The following PSMF1 variants were observed in gnomAD, a reference collection of about 807,000 sequenced individuals.
PSMF1 encodes the protein proteasome inhibitor PI31 subunit.
PSMF1 carries 30 observed loss-of-function variants against 29.3 expected under a neutral mutation model. The observed-to-expected ratio is 1.02, with a 90% CI of 0.77 to 1.39. PSMF1 has a LOEUF of 1.39. Ranked by LOEUF, PSMF1 falls within the 40% of genes most tolerant of loss-of-function variation. The pLI is 0.00. For synonymous variants in PSMF1, 134 were observed against 139.7 expected (o/e 0.96, Z 0.29); for missense variants, 344 against 357.5 (o/e 0.96, Z 0.31).
In PSMF1 at chr20:1,152,278, G is replaced by C. The variant is rs558800910; in HGVS notation, c.552-10852G>C. ...ATGCAAAAGAAAACTGAGGCAGCAA[G>C]AGCTTGACTTGCCCAAAGCAACACA... is the stretch of plus-strand genomic sequence containing the variant. On this transcript the variant is annotated intron_variant, in intron 4 of 6. Transcript: ENST00000335877. Among the ~76,000 whole-genome samples, 17 of 152,362 alleles carry C rather than the reference G, an allele frequency of 1.1e-4. No individual in the cohort carries two copies. The East Asian group carries it at 2.5e-3, about 22-fold the overall frequency.
In PSMF1 at chr20:1,165,921, C is replaced by T. The variant is rs1454005965; in HGVS notation, c.*841C>T. 12 of 1,323,576 alleles carry T rather than the reference C, an allele frequency of 9.1e-6. No homozygotes were observed. The highest frequency in any genetic ancestry group is 1.1e-5 in the Non-Finnish European group (11 of 1,030,536). The allele number at this position is 1,323,576 out of a possible 1,614,324, so 82.0% of individuals were successfully genotyped here. On this transcript the variant is annotated 3_prime_UTR_variant, in exon 7 of 7. Coordinates refer to ENST00000335877, the MANE Select transcript of PSMF1 (RefSeq NM_006814.5). The stretch of plus-strand genomic sequence containing the variant: ...AAGCAAGTTCCTTCTCCTCTTAGGG[C>T]CTTGTGCCAAGCCTATGAAATTGGA...
Position 1,164,190 on chromosome 20 carries a change from C to A in PSMF1, c.606-128C>A. The A allele has an allele frequency of 1.0e-6, 1 of 967,222 alleles. No individual in the cohort carries two copies. Among genetic ancestry groups the A allele is most frequent in the South Asian group, 1.5e-5 (1 of 68,616 alleles). The allele number at this position is 967,222 out of a possible 1,614,324, so 59.9% of individuals were successfully genotyped here. A position where few individuals can be genotyped will look rare whatever the true frequency, so the allele number is the denominator to read the frequency against. On this transcript the variant is annotated intron_variant, in intron 5 of 6. Transcript: ENST00000335877. The surrounding 1 kb of genome is among the most constrained non-coding windows in gnomAD (Gnocchi z 4.1). ...TTTCCGCTGGCTCTCAGGCAGCCATCCACATGTCTGCTTGGGCCATCCAGA... is the reference window on the plus strand; with the variant it reads ...TTTCCGCTGGCTCTCAGGCAGCCATACACATGTCTGCTTGGGCCATCCAGA...
intron 3 of PSMF1, among the ~76,000 whole-genome samples, chr20:1,134,490 G>T (rs1243578338): frequency 6.6e-6 from 1 of 152,102 alleles, no homozygotes. Context: ...CCAGGATGTG[G>T]TTCATTTTAA....
intron 3 of PSMF1, among the ~76,000 whole-genome samples, chr20:1,128,636 T>C (rs2086190732): frequency 6.6e-6 from 1 of 152,238 alleles, no homozygotes; most frequent in African/African-American, 2.4e-5. Flanking sequence ...TGAAATTATC[T>C]GTTTTATATA....
At chr20:1,142,764 ATAAT>A (rs1340823229) in intron 4 of PSMF1, among the ~76,000 whole-genome samples, 1 of 152,234 alleles carries the variant, frequency 6.6e-6, no homozygotes, top group Admixed American at 6.5e-5. Context: ...AGCATGTTTT[ATAAT>A]CCTTTGGGTA....
rs535407929 is a variant in PSMF1, at chr20:1,154,260, C to T, written c.552-8870C>T. Among the ~76,000 whole-genome samples the T allele has an allele frequency of 3.9e-5, 6 of 152,298 alleles. No individual in the cohort carries two copies. In the East Asian group the frequency reaches 1.2e-3, roughly 29 times the overall value. ...ACATTTTTCTGTTCTGAATGCTTTA[C>T]AATTTTTAGCATAATTTATGTATAT... On this transcript the variant is annotated intron_variant, in intron 4 of 6. Transcript: ENST00000335877.
intron 4 of PSMF1, among the ~76,000 whole-genome samples, chr20:1,147,123 C>G (rs2086460103): frequency 6.6e-6 from 1 of 150,532 alleles, no homozygotes. Flanking sequence ...CCATTATGGA[C>G]ATTGTTTCCG....
At chr20:1,116,144 A>G (rs560941487), upstream of PSMF1, among the ~76,000 whole-genome samples, 21 of 151,790 alleles carry the variant, frequency 1.4e-4, no homozygotes, top group African/African-American at 4.8e-4. Flanking sequence ...CTAAGTAGGC[A>G]CCTTAAGTGG....
chr20:1,147,000 A>AT (rs1428549942), intron 4 of PSMF1, among the ~76,000 whole-genome samples: 1 of 151,976 alleles, frequency 6.6e-6, no homozygotes, highest in African/African-American at 2.4e-5. Flanking sequence ...ACCTTGTTTT[A>AT]TTTTTTTTAA....
chr20:1,136,888 C>T (rs1895676932), intron 4 of PSMF1, among the ~76,000 whole-genome samples: 1 of 152,114 alleles, frequency 6.6e-6, no homozygotes, highest in Admixed American at 6.5e-5. Context: ...AGTTACATTC[C>T]TGGAAAAATG....
chr20:1,127,925 C>T (rs1293186951), intron 3 of PSMF1, among the ~76,000 whole-genome samples: 2 of 151,418 alleles, frequency 1.3e-5, no homozygotes, highest in African/African-American at 4.8e-5. Flanking sequence ...TCCCATATTA[C>T]CTCCTGCTCC....
intron 4 of PSMF1, among the ~76,000 whole-genome samples, chr20:1,135,995 G>C (rs2086301305): frequency 6.6e-6 from 1 of 152,192 alleles, no homozygotes; most frequent in African/African-American, 2.4e-5. Flanking sequence ...AGAGTTCACT[G>C]TGAGGGACAT....
chr20:1,152,486 A>C (rs966038290), intron 4 of PSMF1, among the ~76,000 whole-genome samples: 1 of 152,262 alleles, frequency 6.6e-6, no homozygotes, highest in African/African-American at 2.4e-5. Flanking sequence ...GAAACAGAGG[A>C]GATGACACCA....
Position 1,165,143 on chromosome 20 carries a change from CCA to C in PSMF1, c.*64_*65del. 6.2e-6 allele frequency: 10 copies of C among 1,613,128 alleles called. No homozygotes were observed. Among genetic ancestry groups the C allele is most frequent in the Non-Finnish European group, 7.6e-6 (9 of 1,179,428 alleles). On this transcript the variant is annotated 3_prime_UTR_variant, in exon 7 of 7. Transcript: ENST00000335877. Reference sequence around the variant, plus strand: ...TCTCCTGGAGCTGCCACCGCTGTCCCCATCAGCAACCATGTTCTTGCAGGCTG... The same window carrying C: ...TCTCCTGGAGCTGCCACCGCTGTCCCTCAGCAACCATGTTCTTGCAGGCTG...
rs1364835388 is a variant in PSMF1 at position 1,168,599 on chromosome 20, A to G, written c.*3519A>G. 1.3e-5 allele frequency among the ~76,000 whole-genome samples: 2 copies of G among 152,232 alleles called. No homozygotes were observed. Among genetic ancestry groups the G allele is most frequent in the Non-Finnish European group, 2.9e-5 (2 of 68,042 alleles). On this transcript the variant is annotated 3_prime_UTR_variant, in exon 7 of 7. Coordinates refer to ENST00000335877, the MANE Select transcript of PSMF1 (RefSeq NM_006814.5). The stretch of plus-strand genomic sequence containing the variant: ...AACTCCAAGAATGTATTGTGCTCAC[A>G]GTGGCGATGGTGTTCCTGTGCTGGA...
intron 4 of PSMF1, 94 bp downstream of exon 4, chr20:1,135,400 G>GT: frequency 2.3e-6 from 3 of 1,305,592 alleles, no homozygotes; most frequent in Non-Finnish European, 3.1e-6. Context: ...TCCCTGGCCC[G>GT]TATGTGTTTT....
Position 1,170,873 on chromosome 20 carries a change from G to A in PSMF1, c.*5793G>A, listed in dbSNP as rs543857377. ...CAAGCATTTATCAGGTGCACACAGCGTGCTAGGCTTCTCCTCATCGCATGT... is the reference window on the plus strand; with the variant it reads ...CAAGCATTTATCAGGTGCACACAGCATGCTAGGCTTCTCCTCATCGCATGT... On this transcript the variant is annotated 3_prime_UTR_variant, in exon 7 of 7. Coordinates refer to ENST00000335877, the MANE Select transcript of PSMF1 (RefSeq NM_006814.5). 3.0e-3 allele frequency among the ~76,000 whole-genome samples: 451 copies of A among 152,220 alleles called. 2 individuals are homozygous for A. Among genetic ancestry groups the A allele is most frequent in the African/African-American group, 8.4e-3 (347 of 41,526 alleles).
chr20:1,137,914 C>T (rs966730390), intron 4 of PSMF1, among the ~76,000 whole-genome samples: 14 of 152,074 alleles, frequency 9.2e-5, no homozygotes, highest in African/African-American at 2.7e-4. Context: ...TTTCAGCCCC[C>T]GCCAAAAGAG....
intron 1 of PSMF1, among the ~76,000 whole-genome samples, chr20:1,123,038 A>G (rs140390337): frequency 3.9e-4 from 60 of 152,324 alleles, no homozygotes; most frequent in African/African-American, 1.4e-3. Flanking sequence ...CGGGAAATTT[A>G]CCCAGTTTGG....
Sources: allele counts gnomAD v4.1 joint callset (sites outside exome capture counted in the v4.1 genomes callset), GRCh38; gene constraint gnomAD v4.1.1; non-coding constraint Gnocchi (gnomAD v3.1); transcripts MANE v1.5; gene names NCBI Gene and HGNC (gene_info 2026-07-23, HGNC 2026-07-21).